Variants in RPS6KC1 observed in about 807,000 individuals in gnomAD.
RPS6KC1 encodes ribosomal protein S6 kinase C1.
RPS6KC1 carries 54 observed loss-of-function variants against 103.8 expected under a neutral mutation model. The ratio of observed to expected loss-of-function variants is 0.52; its 90% CI spans 0.42 to 0.65. The LOEUF is 0.65. RPS6KC1 is among the 30% of genes least tolerant of loss of function. RPS6KC1 has a pLI of 0.00. For synonymous variants in RPS6KC1, 439 were observed against 438.7 expected (o/e 1.00, Z -0.01); for missense variants, 1,151 against 1,253.8 (o/e 0.92, Z 1.24).
chr1:213,480,194 GA>G, the RPS6KC1 span, among the ~76,000 whole-genome samples: 1 of 152,018 alleles, frequency 6.6e-6, no homozygotes, highest in African/African-American at 2.4e-5. Flanking sequence ...ATAATTTGAA[GA>G]GGAGCATTTT....
rs1325090676 is a variant in RPS6KC1, at chr1:213,151,626, G to A, written c.836-16232G>A. ...TGACCCCCCCACCTCCATCCCAGACGGGGCGGCTGGCTGGGCAGAGGGGCT... is the reference window on the plus strand; with the variant it reads ...TGACCCCCCCACCTCCATCCCAGACAGGGCGGCTGGCTGGGCAGAGGGGCT... On this transcript the variant is annotated intron_variant, in intron 6 of 14. Transcript: ENST00000366960. Among the ~76,000 whole-genome samples the A allele has an allele frequency of 5.5e-5, 5 of 91,554 alleles. 1 individual carries two copies. The highest frequency in any genetic ancestry group is 1.7e-4 in the Admixed American group (2 of 11,670). The allele number at this position is 91,554 out of a possible 152,430, so 60.1% of individuals were successfully genotyped here.
At chr1:213,832,586 G>A in the RPS6KC1 span, 1 of 152,184 alleles carries the variant, frequency 6.6e-6, no homozygotes, top group East Asian at 1.9e-4. Context: ...CTCTGCTTAT[G>A]TTCTAGGTTG....
chr1:213,646,897 A>ATATATT, the RPS6KC1 span, among the ~76,000 whole-genome samples: 101 of 150,532 alleles, frequency 6.7e-4, no homozygotes, highest in Middle Eastern at 3.4e-3. Context: ...ATATATATAT[A>ATATATT]TTTTTGTTTG....
chr1:213,228,887 T>C (rs926860636), intron 8 of RPS6KC1, among the ~76,000 whole-genome samples: 4 of 152,056 alleles, frequency 2.6e-5, no homozygotes, highest in African/African-American at 9.7e-5. Context: ...GGAGGTAGAA[T>C]TGATTTGATT....
the RPS6KC1 span, among the ~76,000 whole-genome samples, chr1:213,534,721 G>T: frequency 6.6e-6 from 1 of 152,188 alleles, no homozygotes; most frequent in Non-Finnish European, 1.5e-5. Context: ...TTATTACTTA[G>T]GATATGCCTG....
At chr1:213,259,187 C>G (rs117201084) in intron 12 of RPS6KC1, among the ~76,000 whole-genome samples, 5 of 152,298 alleles carry the variant, frequency 3.3e-5, no homozygotes, top group South Asian at 2.1e-4. Flanking sequence ...TTCCAACAAG[C>G]CTGAATGTTT....
At chr1:213,242,516 G>T in intron 11 of RPS6KC1, 53 bp from the exon 12 acceptor site, 2 of 1,415,252 alleles carry the variant, frequency 1.4e-6, no homozygotes, top group South Asian at 2.4e-5. Context: ...GTTCACTTCT[G>T]CAGAAAATGG....
At chr1:213,705,010 G>C in the RPS6KC1 span, among the ~76,000 whole-genome samples, 3 of 152,212 alleles carry the variant, frequency 2.0e-5, no homozygotes. Flanking sequence ...GAAGCTGGAG[G>C]GGGAGTGACA....
the RPS6KC1 span, among the ~76,000 whole-genome samples, chr1:213,770,582 G>T: frequency 6.6e-6 from 1 of 152,110 alleles, no homozygotes; most frequent in Non-Finnish European, 1.5e-5. Context: ...ATTCATTCTC[G>T]TAACAACCCA....
At chr1:213,527,651 C>T in the RPS6KC1 span, among the ~76,000 whole-genome samples, 1 of 151,278 alleles carries the variant, frequency 6.6e-6, no homozygotes, top group South Asian at 2.1e-4. Context: ...TTGATGTGTT[C>T]TTTTTTTTTA....
intron 6 of RPS6KC1, among the ~76,000 whole-genome samples, chr1:213,151,966 C>T (rs1417680920): frequency 4.5e-3 from 419 of 92,982 alleles, no homozygotes; most frequent in East Asian, 8.3e-3. Context: ...GGCGGCTGGC[C>T]GGGCAGAGGG....
intron 8 of RPS6KC1, among the ~76,000 whole-genome samples, chr1:213,210,130 C>T (rs564988960): frequency 6.6e-6 from 1 of 152,254 alleles, no homozygotes; most frequent in South Asian, 2.1e-4. Flanking sequence ...TCATCTGTGA[C>T]TAAGAATGCC....
chr1:213,282,969 T>C, the RPS6KC1 span, among the ~76,000 whole-genome samples: 1 of 152,206 alleles, frequency 6.6e-6, no homozygotes. Flanking sequence ...GAAGTTGACT[T>C]ATTCCAGTTG....
At chr1:213,222,223 A>C (rs1398407687) in intron 8 of RPS6KC1, among the ~76,000 whole-genome samples, 2 of 152,242 alleles carry the variant, frequency 1.3e-5, no homozygotes, top group Non-Finnish European at 2.9e-5. Context: ...GTTCTAGCAC[A>C]AATGAAACAT....
chr1:213,655,970 C>T, the RPS6KC1 span, among the ~76,000 whole-genome samples: 2 of 152,140 alleles, frequency 1.3e-5, no homozygotes, highest in African/African-American at 4.8e-5. Context: ...AATTCAGTCT[C>T]TATTTTAAGA....
intron 8 of RPS6KC1, among the ~76,000 whole-genome samples, chr1:213,214,879 A>G (rs553313623): frequency 6.6e-6 from 1 of 152,300 alleles, no homozygotes; most frequent in South Asian, 2.1e-4. Context: ...CCATCTGTAC[A>G]TCACCATCAT....
chr1:213,655,497 C>T, the RPS6KC1 span, among the ~76,000 whole-genome samples: 2,780 of 152,270 alleles, frequency 0.018, 42 homozygotes, highest in Middle Eastern at 0.048. Context: ...CATCCATTAT[C>T]CCCTCACTTG....
At chr1:213,589,233 T>A in the RPS6KC1 span, among the ~76,000 whole-genome samples, 1 of 152,216 alleles carries the variant, frequency 6.6e-6, no homozygotes, top group Non-Finnish European at 1.5e-5. Flanking sequence ...TGTGTCTCCT[T>A]CTATTAACTG....
intron 14 of RPS6KC1, among the ~76,000 whole-genome samples, chr1:213,267,260 A>G (rs1395496457): frequency 6.6e-6 from 1 of 151,910 alleles, no homozygotes; most frequent in Non-Finnish European, 1.5e-5. Flanking sequence ...GGCTATACAG[A>G]CACAGGGGTG....
Sources: gnomAD v4.1 joint callset for allele counts (sites outside exome capture counted in the v4.1 genomes callset) on GRCh38, gnomAD v4.1.1 for gene constraint, MANE v1.5 for transcripts, NCBI Gene and HGNC (gene_info 2026-07-23, HGNC 2026-07-21) for gene names.